The following EPHA6 variants were observed in gnomAD, a reference collection of about 807,000 sequenced individuals.
EPHA6 encodes the protein EPH receptor A6, also known as ephrin type-A receptor 6.
In EPHA6, 50 loss-of-function variants were observed where a neutral mutation model predicts 112.0. That is an observed-to-expected ratio of 0.45 (90% CI 0.36 to 0.56). EPHA6 has a LOEUF of 0.56. Among genes scored for constraint, EPHA6 ranks in the 20% least tolerant of loss-of-function variants. The pLI is 0.00. For missense variants in EPHA6, 1,280 were observed against 1,417.4 expected, an observed-to-expected ratio of 0.90 and a Z score of 1.56; for synonymous variants, 529 against 490.7, an observed-to-expected ratio of 1.08 and a Z score of -1.03.
At chr3:97,488,491 C>T (rs2091754271) in intron 10 of EPHA6, among the ~76,000 whole-genome samples, 1 of 152,176 alleles carries the variant, frequency 6.6e-6, no homozygotes, top group African/African-American at 2.4e-5. Flanking sequence ...CCTAATTCCC[C>T]TGCCACCCTC....
At chr3:96,972,894 A>C (rs1261698481) in intron 2 of EPHA6, among the ~76,000 whole-genome samples, 3 of 152,202 alleles carry the variant, frequency 2.0e-5, no homozygotes, top group Non-Finnish European at 2.9e-5. Flanking sequence ...AGATTTTCAG[A>C]GGGAAGAAGA....
intron 5 of EPHA6, among the ~76,000 whole-genome samples, chr3:97,353,713 G>T (rs1371167408): frequency 1.3e-5 from 2 of 152,162 alleles, no homozygotes; most frequent in Non-Finnish European, 2.9e-5. Flanking sequence ...ACCCCTGAAA[G>T]GAGGGAAACA....
At chr3:97,043,866 C>T (rs906447586) in intron 3 of EPHA6, among the ~76,000 whole-genome samples, 1 of 152,084 alleles carries the variant, frequency 6.6e-6, no homozygotes, top group Non-Finnish European at 1.5e-5. Flanking sequence ...TGATTGACCC[C>T]CAGGGCTGCC....
At chr3:97,174,726 A>G (rs1027235038) in intron 3 of EPHA6, among the ~76,000 whole-genome samples, 1 of 151,728 alleles carries the variant, frequency 6.6e-6, no homozygotes, top group African/African-American at 2.4e-5. Context: ...TATTTTGCCC[A>G]TGTGTTGATC....
chr3:97,739,985 G>A (rs377631641), intron 16 of EPHA6, among the ~76,000 whole-genome samples: 2 of 152,090 alleles, frequency 1.3e-5, no homozygotes, highest in African/African-American at 4.8e-5. Flanking sequence ...CCAAGGTTGT[G>A]TGTAGAACAG....
rs1450809728 is a variant in EPHA6 at position 97,448,744 on chromosome 3, A to T, written c.1894+14A>T. On this transcript the variant is annotated intron_variant, in intron 7 of 17. Coordinates refer to ENST00000389672, the MANE Select transcript of EPHA6 (RefSeq NM_001080448.3). ...CAGGAGATGAAAGTAAGTTTCACAC[A>T]AGGATATAACATAAGATGTGAATTT... 6.2e-7 allele frequency: 1 copy of T among 1,612,038 alleles called. No individual in the cohort carries two copies. Among genetic ancestry groups the T allele is most frequent in the Non-Finnish European group, 8.5e-7 (1 of 1,178,342 alleles).
intron 2 of EPHA6, among the ~76,000 whole-genome samples, chr3:96,942,727 C>T (rs1042604215): frequency 3.9e-5 from 6 of 152,182 alleles, no homozygotes; most frequent in East Asian, 1.9e-4. Flanking sequence ...AGCTGTAGAC[C>T]GGAGCTGTTC....
At chr3:97,215,582 G>A (rs1053335781) in intron 3 of EPHA6, among the ~76,000 whole-genome samples, 2 of 149,622 alleles carry the variant, frequency 1.3e-5, no homozygotes, top group South Asian at 2.1e-4. Context: ...CTGCACTTCA[G>A]TCTGGGCAAC....
At chr3:97,210,966 G>A (rs140892838) in intron 3 of EPHA6, among the ~76,000 whole-genome samples, 41 of 152,224 alleles carry the variant, frequency 2.7e-4, no homozygotes, top group Non-Finnish European at 4.7e-4. Flanking sequence ...TAAATTCTCC[G>A]CGTGGCCATC....
intron 5 of EPHA6, among the ~76,000 whole-genome samples, chr3:97,393,944 T>G (rs796390124): frequency 6.6e-6 from 1 of 151,844 alleles, no homozygotes; most frequent in Non-Finnish European, 1.5e-5. Context: ...ATTGTGTATA[T>G]AGACCATATT....
At chr3:97,412,877 G>A (rs915010290) in intron 6 of EPHA6, among the ~76,000 whole-genome samples, 2 of 151,792 alleles carry the variant, frequency 1.3e-5, no homozygotes, top group Non-Finnish European at 2.9e-5. Flanking sequence ...ATATACTTGG[G>A]GAGTCCAGAG....
intron 5 of EPHA6, among the ~76,000 whole-genome samples, chr3:97,365,774 A>T (rs1490102113): frequency 2.6e-5 from 4 of 152,182 alleles, no homozygotes; most frequent in African/African-American, 9.6e-5. Flanking sequence ...CATGTAAACA[A>T]TTCCTGACTG....
At chr3:97,610,675 A>G (rs1487864832) in intron 12 of EPHA6, 118 bp from the exon 13 acceptor site, 2 of 774,220 alleles carry the variant, frequency 2.6e-6, no homozygotes, top group Non-Finnish European at 4.4e-6. Context: ...AGGCTGGAAA[A>G]TGAAATTCCT....
Position 96,866,821 on chromosome 3 carries a change from C to A in EPHA6, c.386-4C>A, listed in dbSNP as rs56339330. On this transcript the variant is annotated splice_polypyrimidine_tract_variant and splice_region_variant and intron_variant, in intron 1 of 17. Coordinates refer to ENST00000389672, the MANE Select transcript of EPHA6 (RefSeq NM_001080448.3). ...TGGAATTTTTATTTTCTATTTAATT[C>A]CAGTTGTGTTGCTTGATACAACAAC... is the stretch of plus-strand genomic sequence containing the variant. 10 of 1,440,854 alleles carry A rather than the reference C, an allele frequency of 6.9e-6. No homozygotes were observed. The highest frequency in any genetic ancestry group is 8.3e-6 in the Non-Finnish European group (9 of 1,090,732). 89.3% of individuals were successfully genotyped at this position (1,440,854 alleles called of 1,614,324 possible).
chr3:97,476,433 G>T (rs1322843436), intron 8 of EPHA6, among the ~76,000 whole-genome samples: 2 of 152,068 alleles, frequency 1.3e-5, no homozygotes, highest in African/African-American at 4.8e-5. Context: ...AACCCTGCCA[G>T]AAAACATTGG....
intron 5 of EPHA6, among the ~76,000 whole-genome samples, chr3:97,379,858 TA>T (rs1165087932): frequency 6.6e-6 from 1 of 150,904 alleles, no homozygotes; most frequent in East Asian, 1.9e-4. Flanking sequence ...AAATGAGAGA[TA>T]GATGAACTAA....
Position 97,627,618 on chromosome 3 carries a change from C to A in EPHA6, c.2575-10255C>A, listed in dbSNP as rs139313414. On this transcript the variant is annotated intron_variant, in intron 13 of 17. Transcript: ENST00000389672. ...AACAATGCCAAATTATGCATGTTAT[C>A]CCTTCACAATTATTAGCATGAGCCT... Among the ~76,000 whole-genome samples the A allele has an allele frequency of 1.3e-4, 19 of 151,794 alleles. No individual in the cohort carries two copies. The East Asian group carries it at 2.9e-3, about 23-fold the overall frequency.
At chr3:97,468,963 T>A (rs2091144362) in intron 7 of EPHA6, among the ~76,000 whole-genome samples, 1 of 151,700 alleles carries the variant, frequency 6.6e-6, no homozygotes, top group Admixed American at 6.6e-5. Context: ...ATAATTTAAG[T>A]TTTTGGCCAG....
intron 2 of EPHA6, among the ~76,000 whole-genome samples, chr3:96,937,425 A>G (rs1261603812): frequency 6.7e-6 from 1 of 150,178 alleles, no homozygotes. Context: ...GTGTCTGTTC[A>G]TATCCTTCGC....
Sources: gnomAD v4.1 joint callset for allele counts (sites outside exome capture counted in the v4.1 genomes callset) on GRCh38, gnomAD v4.1.1 for gene constraint, MANE v1.5 for transcripts, NCBI Gene and HGNC (gene_info 2026-07-23, HGNC 2026-07-21) for gene names.